AOC3: variants seen among roughly 807,000 people sequenced by gnomAD.
AOC3 encodes amine oxidase copper containing 3.
A neutral mutation model predicts 55.4 loss-of-function variants in AOC3; 47 were observed. The ratio of observed to expected loss-of-function variants is 0.85; its 90% CI spans 0.67 to 1.08. AOC3 has a LOEUF of 1.08. Among genes scored for constraint, AOC3 ranks in the 50% least tolerant of loss-of-function variants. The probability of loss-of-function intolerance (pLI) is 0.00; values close to 1 mark genes in which losing one functional copy is unlikely to be tolerated. For missense variants in AOC3, 853 were observed against 993.1 expected, an observed-to-expected ratio of 0.86 and a Z score of 1.90; for synonymous variants, 386 against 410.7, an observed-to-expected ratio of 0.94 and a Z score of 0.73.
intron 2 of AOC3, 41 bp from the exon 3 acceptor site, chr17:42,855,403 T>TG: frequency 6.3e-7 from 1 of 1,577,986 alleles, no homozygotes. Context: ...GGCAGCAGGA[T>TG]GGGGTCAATG....
chr17:42,853,275 T>C (rs1597968405), intron 1 of AOC3: 1 of 1,102,994 alleles, frequency 9.1e-7, no homozygotes, highest in East Asian at 5.9e-5. Context: ...GGAGCAGCCT[T>C]CTGTTTGTCA....
chr17:42,852,789 T>C lies in AOC3; in HGVS notation c.1446T>C (p.Ser482=). The part of the protein sequence containing the change: ...DYVWDTVFHP[S]GAIEIRFYAT... ...TGTGGGATACGGTCTTCCACCCCAG[T>C]GGGGCCATAGAAATACGATTCTATG... The change falls in exon 1 of 4, where the codon AGT becomes AGC. Residue 482 remains serine (S), a synonymous_variant. Transcript: ENST00000308423. 1 of 1,614,064 alleles carries C rather than the reference T, an allele frequency of 6.2e-7. No homozygotes were observed. The highest frequency in any genetic ancestry group is 8.5e-7 in the Non-Finnish European group (1 of 1,179,904).
Position 42,854,682 on chromosome 17 carries a change from G to A in AOC3, c.1835G>A (p.Gly612Glu), listed in dbSNP as rs923917859. The A allele has an allele frequency of 1.3e-6, 2 of 1,517,970 alleles. No individual in the cohort carries two copies. The highest frequency in any genetic ancestry group is 1.4e-5 in the African/African-American group (1 of 71,868). 94.0% of individuals were successfully genotyped at this position (1,517,970 alleles called of 1,614,324 possible). A position where few individuals can be genotyped will look rare whatever the true frequency, so the allele number is the denominator to read the frequency against. Residue 612 changes from glycine to glutamate, a missense_variant, in exon 2 of 4, where the codon GGA (glycine) becomes GAA (glutamate). Gly to Glu is a moderately conservative substitution (Grantham distance 98, BLOSUM62 -2). Coordinates refer to ENST00000308423, the MANE Select transcript of AOC3 (RefSeq NM_003734.4). ...GYRIQMLSFA[G>E]EPLPQNSSMA... ...CGCATCCAGATGCTCAGCTTTGCTGGAGAGCCGCTGCCCCAAAACAGCTCC... is the reference window on the plus strand; with the variant it reads ...CGCATCCAGATGCTCAGCTTTGCTGAAGAGCCGCTGCCCCAAAACAGCTCC...
Position 42,854,440 on chromosome 17 carries a change from C to G in AOC3, c.1601-8C>G. On this transcript the variant is annotated splice_polypyrimidine_tract_variant and splice_region_variant and intron_variant, in intron 1 of 3. Coordinates refer to ENST00000308423, the MANE Select transcript of AOC3 (RefSeq NM_003734.4). ...CTGACAGGCCCTCCCCTATCCCACC[C>G]TGAGCAGGACTGGAGAACTGGGTCT... 6.7e-7 allele frequency: 1 copy of G among 1,495,704 alleles called. No individual in the cohort carries two copies. The highest frequency in any genetic ancestry group is 1.4e-5 in the African/African-American group (1 of 70,794). 92.7% of individuals were successfully genotyped at this position (1,495,704 alleles called of 1,614,324 possible).
chr17:42,852,659 C>T lies in AOC3; in HGVS notation c.1316C>T (p.Pro439Leu), dbSNP rs753538898. Reference protein sequence around the residue: ...FCVFEQNQGLPLRRHHSDLYS... With the variant: ...FCVFEQNQGLLLRRHHSDLYS... ...GTGTTTGAACAGAACCAGGGCCTCCCCCTGCGGCGACACCACTCAGATCTC... is the reference window on the plus strand; with the variant it reads ...GTGTTTGAACAGAACCAGGGCCTCCTCCTGCGGCGACACCACTCAGATCTC... The change falls in exon 1 of 4, where the codon CCC becomes CTC. Residue 439 changes from proline to leucine, a missense_variant. Physicochemically the swap from Pro to Leu is moderately conservative, Grantham distance 98. Coordinates refer to ENST00000308423, the MANE Select transcript of AOC3 (RefSeq NM_003734.4). 1 of 1,614,162 alleles carries T rather than the reference C, an allele frequency of 6.2e-7. No homozygotes were observed. The highest frequency in any genetic ancestry group is 8.5e-7 in the Non-Finnish European group (1 of 1,180,052).
Position 42,852,000 on chromosome 17 carries a change from A to T in AOC3, c.657A>T (p.Gln219His), listed in dbSNP as rs778378765. Residue 219 changes from glutamine to histidine, a missense_variant, in exon 1 of 4, where the codon CAA becomes CAT. Physicochemically the swap from Gln to His is conservative, Grantham distance 24 (BLOSUM62 0). Transcript: ENST00000308423. ...VTMTTAPRGL[Q>H]SGDRATWFGL... ...TGACCACGGCTCCCCGTGGTCTGCA[A>T]TCAGGGGACCGGGCCACCTGGTTTG... 1.2e-6 allele frequency: 2 copies of T among 1,613,606 alleles called. No individual in the cohort carries two copies. The highest frequency in any genetic ancestry group is 2.2e-5 in the East Asian group (1 of 44,878).
chr17:42,853,576 T>A (rs1471098775), intron 1 of AOC3, among the ~76,000 whole-genome samples: 1 of 152,056 alleles, frequency 6.6e-6, no homozygotes, highest in African/African-American at 2.4e-5. Context: ...TTTCCCCACA[T>A]TGAGTCAGTC....
chr17:42,855,515 C>G lies in AOC3; in HGVS notation c.1958C>G (p.Pro653Arg), dbSNP rs2055737197. The change falls in exon 3 of 4, where the codon CCT (proline) becomes CGT (arginine). Residue 653 changes from proline (P) to arginine (R), a missense_variant. Coordinates refer to ENST00000308423, the MANE Select transcript of AOC3 (RefSeq NM_003734.4). The stretch of plus-strand genomic sequence containing the variant: ...AGCAGCGTTTTCAATCAGAATGACC[C>G]TTGGGCCCCCACTGTGGATTTCAGT... ...SSSSVFNQND[P>R]WAPTVDFSDF... 3.1e-6 allele frequency: 5 copies of G among 1,613,838 alleles called. No individual in the cohort carries two copies. The African/African-American group carries it at 6.7e-5, about 22-fold the overall frequency.
rs2055659541 is a variant in AOC3 at position 42,851,279 on chromosome 17, G to A, written c.-65G>A. ...CCGTCCAGGAGCCAACAGAGCCCCC[G>A]TCTTGCTGGCGTGAGAATACATTGC... On this transcript the variant is annotated 5_prime_UTR_variant, in exon 1 of 4. Transcript: ENST00000308423. The A allele has an allele frequency of 3.5e-6, 5 of 1,436,542 alleles. No homozygotes were observed. The highest frequency in any genetic ancestry group is 4.3e-5 in the Admixed American group (2 of 46,106). The allele number at this position is 1,436,542 out of a possible 1,614,324, so 89.0% of individuals were successfully genotyped here.
rs921125466 is a variant in AOC3 at position 42,857,954 on chromosome 17, A to G, written c.*1404A>G. On this transcript the variant is annotated 3_prime_UTR_variant, in exon 4 of 4. Transcript: ENST00000308423. ...GTAGAATATAAACACATAATTGCTT[A>G]TGTATGCCTATTCAGAATAAATGGG... 3 of 151,968 alleles carry G rather than the reference A, an allele frequency of 2.0e-5. No homozygotes were observed. Among genetic ancestry groups the G allele is most frequent in the Admixed American group, 6.5e-5 (1 of 15,284 alleles). The allele number at this position is 151,968 out of a possible 1,614,324, so 9.4% of individuals were successfully genotyped here.
Position 42,852,769 on chromosome 17 carries a change from G to A in AOC3, c.1426G>A (p.Asp476Asn). The change falls in exon 1 of 4, where the codon GAT becomes AAT. Residue 476 changes from aspartate (D) to asparagine (N), a missense_variant. By Grantham distance (23) the Asp-to-Asn change is conservative. Coordinates refer to ENST00000308423, the MANE Select transcript of AOC3 (RefSeq NM_003734.4). ...STLLNYDYVW[D>N]TVFHPSGAIE... ...CTTGCTCAACTATGACTATGTGTGG[G>A]ATACGGTCTTCCACCCCAGTGGGGC... is the stretch of plus-strand genomic sequence containing the variant. 1 of 1,614,094 alleles carries A rather than the reference G, an allele frequency of 6.2e-7. No homozygotes were observed.
intron 2 of AOC3, 113 bp from the exon 3 acceptor site, chr17:42,855,331 G>C (rs1186745638): frequency 7.0e-7 from 1 of 1,418,906 alleles, no homozygotes; most frequent in African/African-American, 1.4e-5. Context: ...CGCCGAGTCA[G>C]TTGTGTGACT....
Position 42,856,955 on chromosome 17 carries a change from G to A in AOC3, c.*405G>A, listed in dbSNP as rs2055758814. 4.9e-6 allele frequency: 1 copy of A among 203,070 alleles called. No individual in the cohort carries two copies. Among genetic ancestry groups the A allele is most frequent in the Non-Finnish European group, 9.9e-6 (1 of 100,614 alleles). 12.6% of individuals were successfully genotyped at this position (203,070 alleles called of 1,614,324 possible). ...TTGCCAGTCCTGCAAGTCCATAGCTGAGCTGGAAAGGATGCTTCTGCTCAC... is the reference window on the plus strand; with the variant it reads ...TTGCCAGTCCTGCAAGTCCATAGCTAAGCTGGAAAGGATGCTTCTGCTCAC... On this transcript the variant is annotated 3_prime_UTR_variant, in exon 4 of 4. Transcript: ENST00000308423.
chr17:42,854,498 G>C lies in AOC3; in HGVS notation c.1651G>C (p.Val551Leu). ...AEDMVFVPMA[V>L]PWSPEHQLQR... ...GGATATGGTCTTTGTCCCCATGGCTGTGCCCTGGAGCCCTGAGCACCAGCT... is the reference window on the plus strand; with the variant it reads ...GGATATGGTCTTTGTCCCCATGGCTCTGCCCTGGAGCCCTGAGCACCAGCT... The change falls in exon 2 of 4, where the codon GTG becomes CTG. Residue 551 changes from valine (V) to leucine (L), a missense_variant. Val to Leu is a conservative substitution (Grantham distance 32, BLOSUM62 1). Coordinates refer to ENST00000308423, the MANE Select transcript of AOC3 (RefSeq NM_003734.4). 1 of 1,597,296 alleles carries C rather than the reference G, an allele frequency of 6.3e-7. No individual in the cohort carries two copies. The highest frequency in any genetic ancestry group is 8.5e-7 in the Non-Finnish European group (1 of 1,170,188).
chr17:42,851,773 G>C lies in AOC3; in HGVS notation c.430G>C (p.Gly144Arg), dbSNP rs1567688983. The change falls in exon 1 of 4, where the codon GGG (glycine) becomes CGG (arginine). Residue 144 changes from glycine (G) to arginine (R), a missense_variant. Coordinates refer to ENST00000308423, the MANE Select transcript of AOC3 (RefSeq NM_003734.4). The stretch of plus-strand genomic sequence containing the variant: ...GCCCAACGTGAGTGAGCTGGTGGTG[G>C]GGCCACTGCCTCACCCCTCCTACAT... ...PQPNVSELVV[G>R]PLPHPSYMRD... 1 of 1,612,572 alleles carries C rather than the reference G, an allele frequency of 6.2e-7. No homozygotes were observed.
chr17:42,853,427 TTCTC>T (rs1567690745), intron 1 of AOC3: 55 of 993,366 alleles, frequency 5.5e-5, no homozygotes, highest in Non-Finnish European at 6.2e-5. Context: ...TTTTCCTTCT[TTCTC>T]TGGGCACAAT....
Position 42,851,947 on chromosome 17 carries a change from A to G in AOC3, c.604A>G (p.Lys202Glu), listed in dbSNP as rs771823490. Residue 202 changes from lysine (K) to glutamate (E), a missense_variant, in exon 1 of 4, where the codon AAG becomes GAG. Coordinates refer to ENST00000308423, the MANE Select transcript of AOC3 (RefSeq NM_003734.4). ...SGLLHHCCFY[K>E]HRGRNLVTMT... ...GCTTCTCCACCACTGTTGCTTCTAC[A>G]AGCACCGGGGACGGAACCTGGTGAC... 1 of 1,613,428 alleles carries G rather than the reference A, an allele frequency of 6.2e-7. No individual in the cohort carries two copies. The highest frequency in any genetic ancestry group is 1.1e-5 in the South Asian group (1 of 91,082).
chr17:42,853,005 C>T, intron 1 of AOC3, 62 bp downstream of exon 1: 1 of 1,552,588 alleles, frequency 6.4e-7, no homozygotes. Context: ...TTTCCATTAG[C>T]TTTGGGTTTT....
chr17:42,852,334 G>A lies in AOC3; in HGVS notation c.991G>A (p.Ala331Thr), dbSNP rs1228875015. ...CTTCAGTGTCCAGGGAAGTCGAGTG[G>A]CCTCCTCACTGTGGACTTTCTCCTT... ...PRFSVQGSRV[A>T]SSLWTFSFGL... Residue 331 changes from alanine to threonine, a missense_variant, in exon 1 of 4, where the codon GCC (alanine) becomes ACC (threonine). Physicochemically the swap from Ala to Thr is moderately conservative, Grantham distance 58 (BLOSUM62 0). Transcript: ENST00000308423. 6 of 1,614,162 alleles carry A rather than the reference G, an allele frequency of 3.7e-6. No homozygotes were observed. The highest frequency in any genetic ancestry group is 1.6e-4 in the Middle Eastern group (1 of 6,062).
Sources: allele counts gnomAD v4.1 joint callset (sites outside exome capture counted in the v4.1 genomes callset), GRCh38; gene constraint gnomAD v4.1.1; transcripts MANE v1.5; gene names NCBI Gene and HGNC (gene_info 2026-07-23, HGNC 2026-07-21).